The following CACNA1I variants were observed in gnomAD, a reference collection of about 807,000 sequenced individuals.
The protein encoded by CACNA1I is calcium voltage-gated channel subunit alpha1 I.
CACNA1I carries 74 observed loss-of-function variants against 201.6 expected under a neutral mutation model. The ratio of observed to expected loss-of-function variants is 0.37; its 90% confidence interval spans 0.30 to 0.45. The LOEUF (loss-of-function observed/expected upper bound fraction) is 0.45. Ranked by LOEUF, CACNA1I falls within the 20% of genes least tolerant of loss-of-function variation. The probability of loss-of-function intolerance (pLI) is 1.00; values close to 1 mark genes in which losing one functional copy is unlikely to be tolerated. For synonymous variants in CACNA1I, 1,431 were observed against 1,345.2 expected, an observed-to-expected ratio of 1.06 and a Z score of -1.40; for missense variants, 2,346 against 3,138.1, an observed-to-expected ratio of 0.75 and a Z score of 6.03.
At chr22:39,626,293 G>C (rs1933899192) in intron 4 of CACNA1I, among the ~76,000 whole-genome samples, 1 of 152,256 alleles carries the variant, frequency 6.6e-6, no homozygotes, top group Non-Finnish European at 1.5e-5. Context: ...CGTGGGTGTA[G>C]AGAGCTGCGT....
intron 35 of CACNA1I, among the ~76,000 whole-genome samples, chr22:39,683,629 G>A (rs575912579): frequency 6.6e-6 from 1 of 152,312 alleles, no homozygotes; most frequent in African/African-American, 2.4e-5. Context: ...GCCGTCTTGG[G>A]TACATTTTTC....
chr22:39,608,922 G>A (rs1933302968), intron 3 of CACNA1I, among the ~76,000 whole-genome samples: 1 of 152,144 alleles, frequency 6.6e-6, no homozygotes, highest in Admixed American at 6.5e-5. Context: ...AGACTCTTGG[G>A]AAACAAAAAG....
At chr22:39,658,080 G>C (rs369779404) in intron 10 of CACNA1I, 72 bp from the exon 11 acceptor site, 12 of 1,512,222 alleles carry the variant, frequency 7.9e-6, no homozygotes, top group East Asian at 4.5e-5. Context: ...AGCCAGGGTG[G>C]GTGTCCAGAG....
chr22:39,685,660 A>T lies in CACNA1I; in HGVS notation c.6028-101A>T. ...CCCTGCTCCGAAGGGAGCTCCTTGG[A>T]TGGGGTCTGCCTGCTGCCTGCTGTG... On this transcript the variant is annotated intron_variant, in intron 36 of 36. Transcript: ENST00000402142. The surrounding 1 kb of genome is among the most constrained non-coding windows in gnomAD (Gnocchi z 5.0). 9.8e-7 allele frequency: 1 copy of T among 1,021,558 alleles called. No individual in the cohort carries two copies. Among genetic ancestry groups the T allele is most frequent in the Non-Finnish European group, 1.3e-6 (1 of 760,270 alleles). 63.3% of individuals were successfully genotyped at this position (1,021,558 alleles called of 1,614,324 possible). A position where few individuals can be genotyped will look rare whatever the true frequency, so the allele number is the denominator to read the frequency against.
intron 24 of CACNA1I, 57 bp downstream of exon 24, chr22:39,668,438 G>A: frequency 8.7e-7 from 1 of 1,149,996 alleles, no homozygotes; most frequent in Non-Finnish European, 1.3e-6. Flanking sequence ...TGGTGTCCTT[G>A]GGGCCCAGTG....
At chr22:39,672,389 G>A (rs1935400829) in intron 27 of CACNA1I, 81 bp downstream of exon 27, 2 of 958,630 alleles carry the variant, frequency 2.1e-6, no homozygotes, top group African/African-American at 1.6e-5. Context: ...GGGAAGTCTG[G>A]AGCAGCCTGA....
chr22:39,642,943 G>C, intron 7 of CACNA1I, 54 bp downstream of exon 7: 1 of 1,264,350 alleles, frequency 7.9e-7, no homozygotes, highest in South Asian at 1.3e-5. Context: ...ATGGACCAGG[G>C]GACCTGAGGA....
chr22:39,647,126 G>A (rs987256636), intron 8 of CACNA1I, among the ~76,000 whole-genome samples: 2 of 152,012 alleles, frequency 1.3e-5, no homozygotes, highest in African/African-American at 2.4e-5. Flanking sequence ...GGAGGAACTC[G>A]ATCCCTGTGT....
chr22:39,591,622 A>C (rs57745622), intron 1 of CACNA1I, among the ~76,000 whole-genome samples: 2,737 of 150,454 alleles, frequency 0.018, 72 homozygotes, highest in African/African-American at 0.063. Context: ...GCAGTGGTGC[A>C]ATCTCAGCTC....
chr22:39,673,497 C>A (rs1288723516), intron 28 of CACNA1I, among the ~76,000 whole-genome samples: 2 of 152,226 alleles, frequency 1.3e-5, no homozygotes, highest in Non-Finnish European at 2.9e-5. Context: ...CTTCTCCCTC[C>A]CCTCAAGGTA....
intron 3 of CACNA1I, among the ~76,000 whole-genome samples, chr22:39,602,878 G>A (rs1208835533): frequency 2.6e-5 from 4 of 152,126 alleles, no homozygotes; most frequent in African/African-American, 9.7e-5. Context: ...TTGGCCAGGT[G>A]CAGTGGCTCA....
chr22:39,620,054 C>CCATCCATCCATCCAT (rs58094478), intron 4 of CACNA1I, among the ~76,000 whole-genome samples: 1 of 19,922 alleles, frequency 5.0e-5, no homozygotes, highest in African/African-American at 2.2e-4. Flanking sequence ...CATCCATCCA[C>CCATCCATCCATCCAT]CCACCCACCC....
chr22:39,641,242 G>A, intron 6 of CACNA1I, 60 bp downstream of exon 6: 1 of 1,444,506 alleles, frequency 6.9e-7, no homozygotes, highest in Non-Finnish European at 9.6e-7. Flanking sequence ...TGCCTGGTGG[G>A]CAGGGCTCTG....
intron 34 of CACNA1I, among the ~76,000 whole-genome samples, chr22:39,681,787 CT>C (rs973041852): frequency 7.2e-5 from 11 of 152,248 alleles, no homozygotes; most frequent in African/African-American, 2.6e-4. Context: ...GCCCCCTAGG[CT>C]GGCCCTCCAT....
chr22:39,672,828 C>T, intron 27 of CACNA1I, 121 bp from the exon 28 acceptor site: 1 of 1,095,522 alleles, frequency 9.1e-7, no homozygotes, highest in Non-Finnish European at 1.3e-6. Flanking sequence ...AGGGCAGCCA[C>T]ACAGCCTAAT....
intron 1 of CACNA1I, among the ~76,000 whole-genome samples, chr22:39,594,615 G>A (rs1932858673): frequency 6.6e-6 from 1 of 152,126 alleles, no homozygotes; most frequent in African/African-American, 2.4e-5. Context: ...AAAGTGGGCA[G>A]GGCTGGGGAT....
In CACNA1I at chr22:39,649,118, C is replaced by T. The variant is rs1475372197; in HGVS notation, c.1568-383C>T. 6.6e-6 allele frequency among the ~76,000 whole-genome samples: 1 copy of T among 152,252 alleles called. No homozygotes were observed. Among genetic ancestry groups the T allele is most frequent in the East Asian group, 1.9e-4 (1 of 5,194 alleles). On this transcript the variant is annotated intron_variant, in intron 9 of 36. Coordinates refer to ENST00000402142, the MANE Select transcript of CACNA1I (RefSeq NM_021096.4). This position sits in a 1 kb window ranked among gnomAD's most constrained non-coding sequence, Gnocchi z 7.3. ...TGCCCCCACATTGGCCTGACTCTTT[C>T]AGAATCACATCTAGTTCCCAAGCTG...
intron 31 of CACNA1I, 92 bp from the exon 32 acceptor site, chr22:39,679,015 C>A: frequency 2.0e-6 from 2 of 991,410 alleles, no homozygotes; most frequent in Non-Finnish European, 1.5e-6. Context: ...CTCGGTCTTG[C>A]TGCCTCCGAG....
chr22:39,673,912 A>C (rs1280771718), intron 28 of CACNA1I, 51 bp from the exon 29 acceptor site: 1 of 1,568,590 alleles, frequency 6.4e-7, no homozygotes, highest in East Asian at 2.2e-5. Flanking sequence ...GTGCACACAC[A>C]CGTCCCCACC....
Sources: gnomAD v4.1 joint callset for allele counts (sites outside exome capture counted in the v4.1 genomes callset) on GRCh38, gnomAD v4.1.1 for gene constraint, Gnocchi (gnomAD v3.1) non-coding constraint, MANE v1.5 for transcripts, NCBI Gene and HGNC (gene_info 2026-07-23, HGNC 2026-07-21) for gene names.